The following FCGR2A variants were observed in gnomAD, a reference collection of about 807,000 sequenced individuals.
The protein encoded by FCGR2A is Fc gamma receptor IIa.
Under a neutral mutation model 29.3 loss-of-function variants are expected in FCGR2A, and 18 were observed. The observed-to-expected ratio is 0.62, with a 90% CI of 0.43 to 0.91. The LOEUF is 0.91. Ranked by LOEUF, FCGR2A falls within the 40% of genes least tolerant of loss-of-function variation. FCGR2A has a pLI of 0.00. For synonymous variants in FCGR2A, 126 were observed against 144.8 expected, an observed-to-expected ratio of 0.87 and a Z score of 0.93; for missense variants, 287 against 393.0, an observed-to-expected ratio of 0.73 and a Z score of 2.28.
In FCGR2A at chr1:161,510,847, C is replaced by T. The variant is rs1675726714; in HGVS notation, c.633C>T (p.Gly211=). 1.2e-6 allele frequency: 2 copies of T among 1,614,174 alleles called. No homozygotes were observed. Among genetic ancestry groups the T allele is most frequent in the Non-Finnish European group, 1.7e-6 (2 of 1,180,006 alleles). ...TGTCTTCCCTAGTGCCCAGCATGGG[C>T]AGCTCTTCACCAATGGGGATCATTG... ...VTITVQVPSM[G]SSSPMGIIVA... is the part of the protein sequence containing the mutation. The change falls in exon 5 of 7, where the codon GGC becomes GGT. Residue 211 remains glycine, a synonymous_variant. Transcript: ENST00000271450.
intron 5 of FCGR2A, chr1:161,513,116 G>C (rs2102477023): frequency 6.6e-6 from 1 of 151,748 alleles, no homozygotes; most frequent in South Asian, 2.1e-4. Context: ...TGTGTTCAGG[G>C]GGTGAGAGAA....
At chr1:161,511,322 T>C (rs373269205) in intron 5 of FCGR2A, among the ~76,000 whole-genome samples, 23 of 152,174 alleles carry the variant, frequency 1.5e-4, no homozygotes, top group African/African-American at 5.1e-4. Flanking sequence ...GGGGCTTATA[T>C]GAGGGGGGAG....
intron 5 of FCGR2A, among the ~76,000 whole-genome samples, chr1:161,511,484 A>T (rs1459112601): frequency 6.6e-6 from 1 of 152,230 alleles, no homozygotes; most frequent in African/African-American, 2.4e-5. Context: ...TGTGAGACAC[A>T]GGGGTGTTTT....
At position 161,516,947 on chromosome 1, in the gene FCGR2A, G is replaced by A. The variant is rs1368797203; in HGVS notation, c.781-1028G>A. ...CAATCTTAATGCCTGCTGCTATCTG[G>A]GTCACTCAGAGAGTTTACCAGAATG... On this transcript the variant is annotated intron_variant, in intron 6 of 6. Coordinates refer to ENST00000271450, the MANE Select transcript of FCGR2A (RefSeq NM_001136219.3). 1.5e-5 allele frequency among the ~76,000 whole-genome samples: 2 copies of A among 132,344 alleles called. 1 individual carries two copies. The highest frequency in any genetic ancestry group is 4.3e-4 in the East Asian group (2 of 4,676). The allele number at this position is 132,344 out of a possible 152,430, so 86.8% of individuals were successfully genotyped here.
At chr1:161,521,314 A>G (rs10919138), downstream of FCGR2A, among the ~76,000 whole-genome samples, 1 of 152,060 alleles carries the variant, frequency 6.6e-6, no homozygotes, top group South Asian at 2.1e-4. Context: ...TCTAGTGCAT[A>G]GTAAAGCGCT....
At chr1:161,505,866 CT>C (rs1675350256) in intron 1 of FCGR2A, 120 bp from the exon 2 acceptor site, 1 of 938,050 alleles carries the variant, frequency 1.1e-6, no homozygotes, top group Non-Finnish European at 1.8e-6. Context: ...GAAACAGGAT[CT>C]TGAGATGGGT....
At chr1:161,509,725 A>G in intron 3 of FCGR2A, 95 bp from the exon 4 acceptor site, 1 of 1,486,260 alleles carries the variant, frequency 6.7e-7, no homozygotes, top group Non-Finnish European at 9.2e-7. Context: ...TCTGCCAGAC[A>G]TCATGTCAAG....
chr1:161,510,756 G>A, intron 4 of FCGR2A, 78 bp from the exon 5 acceptor site: 3 of 1,561,084 alleles, frequency 1.9e-6, no homozygotes, highest in Non-Finnish European at 2.6e-6. Context: ...TTGGAGGTGG[G>A]AGGTGGGACA....
At chr1:161,520,695 CT>C (rs1676420221), downstream of FCGR2A, among the ~76,000 whole-genome samples, 1 of 151,706 alleles carries the variant, frequency 6.6e-6, no homozygotes, top group South Asian at 2.1e-4. Context: ...AGCCTCCTGA[CT>C]GGCCTCCCTG....
intron 3 of FCGR2A, among the ~76,000 whole-genome samples, chr1:161,508,378 CG>C (rs1462505575): frequency 6.6e-6 from 1 of 150,482 alleles, no homozygotes; most frequent in Admixed American, 6.6e-5. Flanking sequence ...CACTTGAGGT[CG>C]GGAGTTCGAG....
intron 3 of FCGR2A, 136 bp downstream of exon 3, chr1:161,506,727 C>T: frequency 7.0e-7 from 1 of 1,436,924 alleles, no homozygotes. Flanking sequence ...TCATTCATTC[C>T]CCATTTCACC....
chr1:161,510,804 C>T, intron 4 of FCGR2A, 30 bp from the exon 5 acceptor site: 1 of 1,613,336 alleles, frequency 6.2e-7, no homozygotes, highest in Middle Eastern at 1.7e-4. Flanking sequence ...TAGTAACCCC[C>T]CATCCTGCCC....
intron 1 of FCGR2A, 118 bp from the exon 2 acceptor site, chr1:161,505,869 G>C (rs1251879844): frequency 2.1e-6 from 2 of 949,794 alleles, no homozygotes; most frequent in Non-Finnish European, 3.5e-6. Flanking sequence ...ACAGGATCTT[G>C]AGATGGGTCC....
chr1:161,506,035 T>C (rs772399936), intron 2 of FCGR2A, 28 bp downstream of exon 2: 3 of 1,608,516 alleles, frequency 1.9e-6, no homozygotes, highest in East Asian at 4.5e-5. Context: ...TTCCTTGTAT[T>C]GACAGTGTTG....
rs543128438 is a variant in FCGR2A at position 161,510,353 on chromosome 1, A to G, written c.619+279A>G. On this transcript the variant is annotated intron_variant, in intron 4 of 6. Coordinates refer to ENST00000271450, the MANE Select transcript of FCGR2A (RefSeq NM_001136219.3). ...GCAGTGAAGCAGAGCTCCCTCATTGATGCAGAGGTTCCCTAAGCTCCTGGG... is the reference window on the plus strand; with the variant it reads ...GCAGTGAAGCAGAGCTCCCTCATTGGTGCAGAGGTTCCCTAAGCTCCTGGG... 458 of 660,154 alleles carry G rather than the reference A, an allele frequency of 6.9e-4. No homozygotes were observed. In the African/African-American group the frequency reaches 7.2e-3, roughly 10 times the overall value. The allele number at this position is 660,154 out of a possible 1,614,324, so 40.9% of individuals were successfully genotyped here. A position where few individuals can be genotyped will look rare whatever the true frequency, so the allele number is the denominator to read the frequency against.
At chr1:161,510,753 T>C in intron 4 of FCGR2A, 81 bp from the exon 5 acceptor site, 2 of 1,547,230 alleles carry the variant, frequency 1.3e-6, no homozygotes, top group Non-Finnish European at 1.8e-6. Flanking sequence ...GCATTGGAGG[T>C]GGGAGGTGGG....
chr1:161,523,777 T>A (rs201500042), downstream of FCGR2A: 8 of 152,196 alleles, frequency 5.3e-5, no homozygotes, highest in East Asian at 1.5e-3. Flanking sequence ...AGCCACCTGG[T>A]TTAATTTATT....
At chr1:161,515,559 G>A (rs551667222) in intron 6 of FCGR2A, among the ~76,000 whole-genome samples, 5 of 152,118 alleles carry the variant, frequency 3.3e-5, no homozygotes, top group Middle Eastern at 3.4e-3. Flanking sequence ...GAGAAGCTTC[G>A]TACCCTTTCT....
In FCGR2A at chr1:161,509,909, G is replaced by C. The variant is rs773620534; in HGVS notation, c.454G>C (p.Val152Leu). 1 of 1,614,186 alleles carries C rather than the reference G, an allele frequency of 6.2e-7. No individual in the cohort carries two copies. Among genetic ancestry groups the C allele is most frequent in the Non-Finnish European group, 8.5e-7 (1 of 1,180,020 alleles). ...RCHSWKDKPL[V>L]KVTFFQNGKS... is the part of the protein sequence containing the mutation. ...CCACAGCTGGAAGGACAAGCCTCTG[G>C]TCAAGGTCACATTCTTCCAGAATGG... Residue 152 changes from valine (V) to leucine (L), a missense_variant, in exon 4 of 7, where the codon GTC becomes CTC. Coordinates refer to ENST00000271450, the MANE Select transcript of FCGR2A (RefSeq NM_001136219.3).
Sources: gnomAD v4.1 joint callset for allele counts (sites outside exome capture counted in the v4.1 genomes callset) on GRCh38, gnomAD v4.1.1 for gene constraint, MANE v1.5 for transcripts, NCBI Gene and HGNC (gene_info 2026-07-23, HGNC 2026-07-21) for gene names.